The following TNNI3K variants were observed in gnomAD, a reference collection of about 807,000 sequenced individuals.
The protein encoded by TNNI3K is serine/threonine-protein kinase TNNI3K.
A neutral mutation model predicts 114.5 loss-of-function variants in TNNI3K; 140 were observed. That is an observed-to-expected ratio of 1.22 (90% CI 1.07 to 1.41). The LOEUF (loss-of-function observed/expected upper bound fraction) is 1.41, where lower values mean the gene tolerates loss of function less well. TNNI3K is among the 40% of genes most tolerant of loss of function. The pLI is 0.00. For synonymous variants in TNNI3K, 347 were observed against 347.5 expected (o/e 1.00, Z 0.02); for missense variants, 1,125 against 1,007.6 (o/e 1.12, Z -1.58).
At chr1:74,539,881 A>G (rs1570759514) in intron 23 of TNNI3K, among the ~76,000 whole-genome samples, 1 of 152,210 alleles carries the variant, frequency 6.6e-6, no homozygotes, top group African/African-American at 2.4e-5. Context: ...TACTAAGATA[A>G]TAATGTTCTT....
chr1:74,477,558 G>T (rs942511678), intron 21 of TNNI3K, among the ~76,000 whole-genome samples: 1 of 152,146 alleles, frequency 6.6e-6, no homozygotes, highest in Non-Finnish European at 1.5e-5. Flanking sequence ...GAACAAAAGG[G>T]CTAAGTTTTC....
chr1:74,308,836 C>T (rs576509374), intron 5 of TNNI3K, among the ~76,000 whole-genome samples: 39 of 152,188 alleles, frequency 2.6e-4, no homozygotes, highest in African/African-American at 8.7e-4. Context: ...ACTGATTCCA[C>T]AGAAATACAA....
intron 23 of TNNI3K, among the ~76,000 whole-genome samples, chr1:74,513,583 A>G (rs956941259): frequency 6.6e-6 from 1 of 152,146 alleles, no homozygotes; most frequent in African/African-American, 2.4e-5. Context: ...AATCTGCTTC[A>G]TCCAGAGGCA....
In TNNI3K at chr1:74,478,621, C is replaced by A. The variant is rs72969887; in HGVS notation, c.2122-10568C>A. Among the ~76,000 whole-genome samples the A allele has an allele frequency of 1.4e-3, 212 of 152,328 alleles. 2 individuals carry two copies. Among genetic ancestry groups the A allele is most frequent in the African/African-American group, 4.8e-3 (198 of 41,576 alleles). ...GAAATGCTCCATATCACACCTTCTT[C>A]TTAGAAATTTATAGTGCTTATTAGA... On this transcript the variant is annotated intron_variant, in intron 21 of 24. Transcript: ENST00000326637.
At chr1:74,511,972 T>G (rs78630595) in intron 23 of TNNI3K, among the ~76,000 whole-genome samples, 2 of 152,276 alleles carry the variant, frequency 1.3e-5, no homozygotes, top group East Asian at 3.9e-4. Flanking sequence ...TAAAAGAACA[T>G]GGAGTCAAGT....
intron 9 of TNNI3K, among the ~76,000 whole-genome samples, chr1:74,349,774 A>G (rs1661228295): frequency 1.3e-5 from 2 of 152,176 alleles, no homozygotes; most frequent in South Asian, 4.1e-4. Context: ...TGTTTATAGT[A>G]TTCTCTGATG....
intron 17 of TNNI3K, among the ~76,000 whole-genome samples, chr1:74,411,641 G>A (rs1474668758): frequency 2.0e-5 from 3 of 152,014 alleles, no homozygotes. Context: ...TTACACTGAG[G>A]GGATAGAAAA....
Position 74,540,259 on chromosome 1 carries a change from C to T in TNNI3K, c.2377C>T (p.Leu793=), listed in dbSNP as rs769810466. ...TGCTGGACAATATTCCTCTCAAGGT[C>T]TGTCTTTGGAGGAGATGAAAAGAAG... ...QSAGQYSSQG[L]SLEEMKRSLQ... is the part of the protein sequence containing the mutation. The change falls in exon 24 of 25, where the codon CTG becomes TTG. Residue 793 remains leucine, a synonymous_variant. Coordinates refer to ENST00000326637, the MANE Select transcript of TNNI3K (RefSeq NM_015978.3). 7.4e-6 allele frequency: 12 copies of T among 1,612,306 alleles called. No homozygotes were observed. The East Asian group carries it at 2.2e-4, about 30-fold the overall frequency.
At chr1:74,340,072 A>G (rs893495527) in intron 7 of TNNI3K, among the ~76,000 whole-genome samples, 1 of 152,114 alleles carries the variant, frequency 6.6e-6, no homozygotes, top group Non-Finnish European at 1.5e-5. Context: ...CTGAAAGCTT[A>G]TTAAAGACAG....
chr1:74,377,521 G>T (rs1160649384), intron 17 of TNNI3K, among the ~76,000 whole-genome samples: 1 of 151,946 alleles, frequency 6.6e-6, no homozygotes, highest in Non-Finnish European at 1.5e-5. Context: ...CAATTATATT[G>T]CACATGGTTT....
In TNNI3K at chr1:74,463,421, C is replaced by T. The variant is rs1428493715; in HGVS notation, c.2012-20C>T. ...ATAAACATGTGAATTTCAAAACTGA[C>T]ATGACCATTTGGTTTGCAGCGGCTG... On this transcript the variant is annotated intron_variant, in intron 20 of 24. Coordinates refer to ENST00000326637, the MANE Select transcript of TNNI3K (RefSeq NM_015978.3). 6.2e-7 allele frequency: 1 copy of T among 1,613,494 alleles called. No homozygotes were observed. The highest frequency in any genetic ancestry group is 2.2e-5 in the East Asian group (1 of 44,886).
chr1:74,296,941 A>G (rs1450219204), intron 5 of TNNI3K, among the ~76,000 whole-genome samples: 2 of 152,146 alleles, frequency 1.3e-5, no homozygotes, highest in Non-Finnish European at 2.9e-5. Context: ...TGTAGTATTA[A>G]TTGAATATGT....
chr1:74,503,097 G>A (rs1309666023), intron 23 of TNNI3K, among the ~76,000 whole-genome samples: 1 of 152,032 alleles, frequency 6.6e-6, no homozygotes, highest in African/African-American at 2.4e-5. Flanking sequence ...TCTCCACTGT[G>A]GTAGCCAAAT....
rs957607713 is a variant in TNNI3K at position 74,544,224 on chromosome 1, T to TA, written c.*251dup. On this transcript the variant is annotated 3_prime_UTR_variant, in exon 25 of 25. Coordinates refer to ENST00000326637, the MANE Select transcript of TNNI3K (RefSeq NM_015978.3). ...AAGAATTGTTTTTAATTTTGTAAAT[T>TA]AAAAAAAAATTTAGATCGTTACTTG... 103 of 421,392 alleles carry TA rather than the reference T, an allele frequency of 2.4e-4. No homozygotes were observed. Among genetic ancestry groups the TA allele is most frequent in the African/African-American group, 6.9e-4 (33 of 47,950 alleles). The allele number at this position is 421,392 out of a possible 1,614,324, so 26.1% of individuals were successfully genotyped here.
intron 5 of TNNI3K, among the ~76,000 whole-genome samples, chr1:74,291,377 A>AT (rs563344896): frequency 1.3e-5 from 2 of 151,518 alleles, no homozygotes; most frequent in South Asian, 4.2e-4. Context: ...CATTTTAACA[A>AT]TTTTTTTATG....
At chr1:74,428,876 A>C (rs371205279) in intron 17 of TNNI3K, among the ~76,000 whole-genome samples, 2 of 152,118 alleles carry the variant, frequency 1.3e-5, no homozygotes, top group African/African-American at 4.8e-5. Context: ...TCGAGGTTAC[A>C]GTGAGCTATG....
intron 9 of TNNI3K, among the ~76,000 whole-genome samples, chr1:74,351,140 G>A (rs867824279): frequency 1.6e-4 from 24 of 151,978 alleles, no homozygotes; most frequent in Middle Eastern, 3.4e-3. Context: ...CTTCCTTCAG[G>A]AGCTCTTTTA....
intron 21 of TNNI3K, among the ~76,000 whole-genome samples, chr1:74,479,368 A>G (rs1380206483): frequency 6.6e-6 from 1 of 152,268 alleles, no homozygotes; most frequent in Non-Finnish European, 1.5e-5. Flanking sequence ...TAAATTTTAA[A>G]TTACAAAAAA....
rs556316950 is a variant in TNNI3K at position 74,363,334 on chromosome 1, A to T, written c.1178-3922A>T. 1.7e-4 allele frequency among the ~76,000 whole-genome samples: 26 copies of T among 152,068 alleles called. 2 individuals carry two copies. The East Asian group carries it at 5.1e-3, about 30-fold the overall frequency. Reference sequence around the variant, plus strand: ...AGCCCACAGTTAGCATGAGGGGGGAAATCAGGCAGAGATGCCTTCCAGAGC... The same window carrying T: ...AGCCCACAGTTAGCATGAGGGGGGATATCAGGCAGAGATGCCTTCCAGAGC... On this transcript the variant is annotated intron_variant, in intron 11 of 24. Transcript: ENST00000326637.
Sources: gnomAD v4.1 joint callset for allele counts (sites outside exome capture counted in the v4.1 genomes callset) on GRCh38, gnomAD v4.1.1 for gene constraint, MANE v1.5 for transcripts, NCBI Gene and HGNC (gene_info 2026-07-23, HGNC 2026-07-21) for gene names.